Variants in INTS9 observed in about 807,000 individuals in gnomAD.
INTS9 encodes integrator complex subunit 9, also known as protein related to CPSF subunits of 74 kDa.
In INTS9, 55 loss-of-function variants were observed where a neutral mutation model predicts 79.7. The observed-to-expected ratio is 0.69, with a 90% confidence interval of 0.56 to 0.86. The LOEUF is 0.86. INTS9 is among the 40% of genes least tolerant of loss of function. INTS9 has a pLI of 0.00. For synonymous variants in INTS9, 319 were observed against 325.2 expected, an observed-to-expected ratio of 0.98 and a Z score of 0.20; for missense variants, 721 against 831.5, an observed-to-expected ratio of 0.87 and a Z score of 1.64.
At chr8:28,812,482 G>A in intron 7 of INTS9, 21 bp from the exon 8 acceptor site, 6 of 1,610,418 alleles carry the variant, frequency 3.7e-6, no homozygotes, top group Non-Finnish European at 5.1e-6. Context: ...ACCACAGTAA[G>A]AATGTGCAAT....
In INTS9 at chr8:28,802,078, C is replaced by T. The variant is rs1804559379; in HGVS notation, c.745-5423G>A. 2.6e-5 allele frequency among the ~76,000 whole-genome samples: 4 copies of T among 152,252 alleles called. No homozygotes were observed. The South Asian group carries it at 8.3e-4, about 32-fold the overall frequency. On this transcript the variant is annotated intron_variant, in intron 8 of 16. Coordinates refer to ENST00000521022, the MANE Select transcript of INTS9 (RefSeq NM_018250.4). Reference sequence around the variant, plus strand: ...CCAATCCCATGGATAAGAAGGAATTCCCACAGTGAAGAATAAAACATCATA... The same window carrying T: ...CCAATCCCATGGATAAGAAGGAATTTCCACAGTGAAGAATAAAACATCATA...
At chr8:28,839,360 A>T (rs547401290) in intron 4 of INTS9, among the ~76,000 whole-genome samples, 1 of 152,064 alleles carries the variant, frequency 6.6e-6, no homozygotes, top group South Asian at 2.1e-4. Context: ...AAATGGCCAT[A>T]CTGCCCAAGG....
intron 15 of INTS9, 85 bp from the exon 16 acceptor site, chr8:28,770,111 T>C: frequency 6.6e-7 from 1 of 1,508,156 alleles, no homozygotes; most frequent in African/African-American, 1.4e-5. Context: ...CCTGAGACTA[T>C]CCTGTCCTCA....
chr8:28,880,273 C>T (rs888462468), intron 1 of INTS9, among the ~76,000 whole-genome samples: 3 of 119,206 alleles, frequency 2.5e-5, no homozygotes, highest in African/African-American at 1.1e-4. Context: ...TCTCCCTCTC[C>T]CTCTCTCTCC....
chr8:28,785,632 G>C (rs1803540246), intron 11 of INTS9, among the ~76,000 whole-genome samples: 1 of 152,158 alleles, frequency 6.6e-6, no homozygotes, highest in South Asian at 2.1e-4. Flanking sequence ...AAAGAGGCCT[G>C]GTTCCTTTTA....
At chr8:28,832,937 T>C (rs1374773697) in intron 6 of INTS9, among the ~76,000 whole-genome samples, 1 of 151,856 alleles carries the variant, frequency 6.6e-6, no homozygotes, top group East Asian at 1.9e-4. Flanking sequence ...CACTCCAGCC[T>C]GGGAGACAGA....
chr8:28,829,919 A>G (rs145265888), intron 6 of INTS9, among the ~76,000 whole-genome samples: 219 of 152,292 alleles, frequency 1.4e-3, no homozygotes, highest in African/African-American at 4.8e-3. Context: ...GCCCCTATAC[A>G]GAGGTGTGGT....
intron 11 of INTS9, among the ~76,000 whole-genome samples, chr8:28,784,378 C>G (rs1803467503): frequency 6.6e-6 from 1 of 152,230 alleles, no homozygotes; most frequent in Non-Finnish European, 1.5e-5. Flanking sequence ...TTTTGCCACA[C>G]TTAATTTTCT....
intron 8 of INTS9, among the ~76,000 whole-genome samples, chr8:28,800,963 G>C (rs564911504): frequency 2.7e-4 from 41 of 152,290 alleles, no homozygotes; most frequent in African/African-American, 9.6e-4. Context: ...AAATTGTCCA[G>C]TCTCCCCCTC....
chr8:28,817,870 C>T (rs1441565073), intron 6 of INTS9, among the ~76,000 whole-genome samples: 12 of 151,446 alleles, frequency 7.9e-5, no homozygotes, highest in Admixed American at 7.3e-4. Context: ...AGGTCCTTCA[C>T]ATCCCTTGTA....
chr8:28,835,694 T>C lies in INTS9; in HGVS notation c.402-316A>G, dbSNP rs550375469. On this transcript the variant is annotated intron_variant, in intron 5 of 16. Coordinates refer to ENST00000521022, the MANE Select transcript of INTS9 (RefSeq NM_018250.4). The stretch of plus-strand genomic sequence containing the variant: ...GTTTTAACTCTCACTCTAAGATCTC[T>C]ACTTTTATGTTACTGAAAATATATA... Among the ~76,000 whole-genome samples, 25 of 152,340 alleles carry C rather than the reference T, an allele frequency of 1.6e-4. 2 individuals are homozygous for C. The highest frequency in any genetic ancestry group is 1.4e-3 in the South Asian group (7 of 4,832).
chr8:28,848,916 A>G (rs1453111082), intron 3 of INTS9, among the ~76,000 whole-genome samples: 1 of 152,206 alleles, frequency 6.6e-6, no homozygotes, highest in African/African-American at 2.4e-5. Flanking sequence ...TGCAGGGAAC[A>G]ATGATTTATA....
chr8:28,796,882 T>C, intron 8 of INTS9: 1 of 458,106 alleles, frequency 2.2e-6, no homozygotes, highest in Non-Finnish European at 4.0e-6. Flanking sequence ...ACAAGTTCTG[T>C]ATCTTCACTG....
intron 1 of INTS9, among the ~76,000 whole-genome samples, chr8:28,882,475 GAAATA>G (rs1193378161): frequency 6.2e-5 from 4 of 64,902 alleles, no homozygotes; most frequent in South Asian, 4.8e-4. Flanking sequence ...AAAAAAAATA[GAAATA>G]AAATAAAATA....
chr8:28,849,063 T>A (rs1289938347), intron 3 of INTS9, among the ~76,000 whole-genome samples: 8 of 152,188 alleles, frequency 5.3e-5, no homozygotes, highest in African/African-American at 1.4e-4. Context: ...GTTACAGGAA[T>A]TAATTCTGTA....
intron 5 of INTS9, 60 bp downstream of exon 5, chr8:28,837,577 C>T (rs1806881907): frequency 1.9e-6 from 3 of 1,565,252 alleles, no homozygotes; most frequent in East Asian, 2.3e-5. Context: ...GTGATAGCGT[C>T]ATCACTGAGG....
intron 1 of INTS9, among the ~76,000 whole-genome samples, chr8:28,863,235 A>G (rs1418519973): frequency 6.6e-6 from 1 of 152,112 alleles, no homozygotes; most frequent in Non-Finnish European, 1.5e-5. Flanking sequence ...AGGAAGATAG[A>G]TCCACTAGTA....
intron 11 of INTS9, among the ~76,000 whole-genome samples, chr8:28,787,150 A>G (rs1803650783): frequency 6.6e-6 from 1 of 152,108 alleles, no homozygotes; most frequent in Non-Finnish European, 1.5e-5. Context: ...ACGCAGAAAA[A>G]CGTTCATAAT....
At chr8:28,881,905 T>C (rs1219836770) in intron 1 of INTS9, among the ~76,000 whole-genome samples, 1 of 145,752 alleles carries the variant, frequency 6.9e-6, no homozygotes, top group Non-Finnish European at 1.5e-5. Flanking sequence ...CCGCCCCCAC[T>C]GGGAAGTGAG....
Sources: allele counts gnomAD v4.1 joint callset (sites outside exome capture counted in the v4.1 genomes callset), GRCh38; gene constraint gnomAD v4.1.1; transcripts MANE v1.5; gene names NCBI Gene and HGNC (gene_info 2026-07-23, HGNC 2026-07-21).